The following CNTLN variants were observed in gnomAD, a reference collection of about 807,000 sequenced individuals.
CNTLN encodes the protein centlein, centrosomal protein.
In CNTLN, 212 loss-of-function variants were observed where a neutral mutation model predicts 180.0. The observed-to-expected ratio is 1.18, with a 90% confidence interval of 1.05 to 1.32. CNTLN has a LOEUF of 1.32. CNTLN is among the 40% of genes most tolerant of loss of function. CNTLN has a pLI of 0.00. For missense variants in CNTLN, 2,095 were observed against 1,610.9 expected, an observed-to-expected ratio of 1.30 and a Z score of -5.14; for synonymous variants, 722 against 563.1, an observed-to-expected ratio of 1.28 and a Z score of -3.99.
chr9:17,235,994 A>G (rs980280803), intron 4 of CNTLN, among the ~76,000 whole-genome samples: 1 of 152,190 alleles, frequency 6.6e-6, no homozygotes, highest in Non-Finnish European at 1.5e-5. Context: ...ACTTTTAGAT[A>G]AATAGTTAAT....
chr9:17,334,956 G>A (rs1406766805), intron 10 of CNTLN, among the ~76,000 whole-genome samples: 1 of 150,092 alleles, frequency 6.7e-6, no homozygotes, highest in Non-Finnish European at 1.5e-5. Context: ...AAGCTAGAGA[G>A]CCAGGAGAGC....
chr9:17,304,639 C>T (rs1818584473), intron 7 of CNTLN, among the ~76,000 whole-genome samples: 1 of 152,102 alleles, frequency 6.6e-6, no homozygotes, highest in African/African-American at 2.4e-5. Context: ...AGTTGGCACT[C>T]TGTATCCATA....
intron 18 of CNTLN, among the ~76,000 whole-genome samples, chr9:17,453,623 G>A (rs1007063997): frequency 2.0e-5 from 3 of 152,202 alleles, no homozygotes; most frequent in African/African-American, 7.2e-5. Context: ...TCAGGAGTCT[G>A]ATACAGCCTA....
At chr9:17,274,174 A>C (rs1828137352) in intron 6 of CNTLN, among the ~76,000 whole-genome samples, 1 of 152,112 alleles carries the variant, frequency 6.6e-6, no homozygotes, top group Non-Finnish European at 1.5e-5. Flanking sequence ...CATGATGCTC[A>C]TATTGTTACA....
intron 25 of CNTLN, among the ~76,000 whole-genome samples, chr9:17,494,517 C>T (rs1285179804): frequency 6.6e-6 from 1 of 152,120 alleles, no homozygotes; most frequent in East Asian, 1.9e-4. Flanking sequence ...TCCTGTCCCT[C>T]CTCCCACCCT....
Position 17,166,912 on chromosome 9 carries a change from A to G in CNTLN, c.449+23536A>G, listed in dbSNP as rs138370242. The G allele has an allele frequency of 4.2e-3, 1,917 of 458,936 alleles. 34 individuals are homozygous for G. Among genetic ancestry groups the G allele is most frequent in the African/African-American group, 0.036 (1,767 of 49,176 alleles). The allele number at this position is 458,936 out of a possible 1,614,324, so 28.4% of individuals were successfully genotyped here. A position where few individuals can be genotyped will look rare whatever the true frequency, so the allele number is the denominator to read the frequency against. ...AAAATGTGAGATCCAACACATGAAT[A>G]ATATAAAGATATTCCAAGGTGAAGA... On this transcript the variant is annotated intron_variant, in intron 2 of 25. Coordinates refer to ENST00000380647, the MANE Select transcript of CNTLN (RefSeq NM_017738.4).
intron 10 of CNTLN, 130 bp downstream of exon 10, chr9:17,332,860 AATCAGTTC>A: frequency 2.0e-6 from 1 of 491,974 alleles, no homozygotes; most frequent in Non-Finnish European, 3.2e-6. Flanking sequence ...AAAAGTGTAT[AATCAGTTC>A]ATCTTGTTAT....
chr9:17,379,052 AT>A (rs35438339), intron 13 of CNTLN, among the ~76,000 whole-genome samples: 40,053 of 149,094 alleles, frequency 0.27, 5,392 homozygotes, highest in South Asian at 0.39. Flanking sequence ...ACATTGACAG[AT>A]TTTTTTTTTT....
intron 5 of CNTLN, among the ~76,000 whole-genome samples, chr9:17,246,085 G>A (rs941491934): frequency 6.6e-6 from 1 of 152,030 alleles, no homozygotes; most frequent in Admixed American, 6.6e-5. Context: ...TGAATGGTTT[G>A]ATGCTTGTGG....
intron 23 of CNTLN, among the ~76,000 whole-genome samples, chr9:17,483,038 T>C (rs1428784363): frequency 1.3e-5 from 2 of 152,052 alleles, no homozygotes; most frequent in Admixed American, 6.6e-5. Context: ...TTTGAATACA[T>C]ACAAAATTAA....
At chr9:17,168,930 G>A (rs528090185) in intron 2 of CNTLN, among the ~76,000 whole-genome samples, 1 of 152,252 alleles carries the variant, frequency 6.6e-6, no homozygotes, top group Admixed American at 6.5e-5. Flanking sequence ...AGGGGCAGGA[G>A]TTATGGAAAG....
intron 18 of CNTLN, among the ~76,000 whole-genome samples, chr9:17,448,813 G>C (rs10963103): frequency 4.6e-5 from 7 of 152,102 alleles, no homozygotes; most frequent in Non-Finnish European, 7.4e-5. Flanking sequence ...TTGACAAAGA[G>C]GGTGAAGGAA....
At chr9:17,441,736 C>A (rs535092160) in intron 18 of CNTLN, among the ~76,000 whole-genome samples, 421 of 152,106 alleles carry the variant, frequency 2.8e-3, no homozygotes, top group Non-Finnish European at 4.7e-3. Context: ...TTACATTCCC[C>A]AGTCAAGAGA....
intron 23 of CNTLN, among the ~76,000 whole-genome samples, chr9:17,480,486 G>A (rs1205213616): frequency 6.6e-6 from 1 of 152,098 alleles, no homozygotes; most frequent in Non-Finnish European, 1.5e-5. Flanking sequence ...GAATCCTTAG[G>A]TGTATTTACT....
At chr9:17,322,235 T>A (rs1313145576) in intron 8 of CNTLN, among the ~76,000 whole-genome samples, 2 of 152,154 alleles carry the variant, frequency 1.3e-5, no homozygotes, top group African/African-American at 4.8e-5. Context: ...TAAAATATAA[T>A]GTTATGATAT....
chr9:17,181,594 T>C (rs1821127963), intron 2 of CNTLN, among the ~76,000 whole-genome samples: 2 of 152,276 alleles, frequency 1.3e-5, no homozygotes, highest in African/African-American at 4.8e-5. Flanking sequence ...GATTTTCTGA[T>C]TGAATCTGGA....
chr9:17,281,882 T>C (rs865906761), intron 6 of CNTLN, among the ~76,000 whole-genome samples: 2 of 152,206 alleles, frequency 1.3e-5, no homozygotes, highest in Non-Finnish European at 2.9e-5. Flanking sequence ...TCCACAATGG[T>C]TGCACTAATA....
Position 17,196,931 on chromosome 9 carries a change from C to T in CNTLN, c.450-29272C>T, listed in dbSNP as rs186960705. Among the ~76,000 whole-genome samples, 22 of 152,196 alleles carry T rather than the reference C, an allele frequency of 1.4e-4. No homozygotes were observed. In the East Asian group the frequency reaches 3.5e-3, roughly 24 times the overall value. ...TTGTTTAGTCACCCTGTTGTGTTAT[C>T]AAATGTTAGATCTTATTCAGTCTAT... On this transcript the variant is annotated intron_variant, in intron 2 of 25. Coordinates refer to ENST00000380647, the MANE Select transcript of CNTLN (RefSeq NM_017738.4).
chr9:17,404,479 C>T (rs1371554264), intron 15 of CNTLN, among the ~76,000 whole-genome samples: 1 of 151,582 alleles, frequency 6.6e-6, no homozygotes, highest in African/African-American at 2.4e-5. Context: ...TGAGATTGTA[C>T]CCTGGCCATT....
Sources: gnomAD v4.1 joint callset for allele counts (sites outside exome capture counted in the v4.1 genomes callset) on GRCh38, gnomAD v4.1.1 for gene constraint, MANE v1.5 for transcripts, NCBI Gene and HGNC (gene_info 2026-07-23, HGNC 2026-07-21) for gene names.